SGTA: variants seen among roughly 807,000 people sequenced by gnomAD.
SGTA encodes small glutamine-rich tetratricopeptide repeat-containing protein alpha.
In SGTA, 22 loss-of-function variants were observed where a neutral mutation model predicts 44.3. The ratio of observed to expected loss-of-function variants is 0.50; its 90% CI spans 0.36 to 0.71. SGTA has a LOEUF of 0.71. Ranked by LOEUF, SGTA falls within the 30% of genes least tolerant of loss-of-function variation. The pLI, the probability that SGTA is intolerant of heterozygous loss-of-function variation, is 0.00. For synonymous variants in SGTA, 174 were observed against 177.6 expected, an observed-to-expected ratio of 0.98 and a Z score of 0.16; for missense variants, 341 against 435.9, an observed-to-expected ratio of 0.78 and a Z score of 1.94.
At chr19:2,774,214 G>C (rs572079914) in intron 1 of SGTA, among the ~76,000 whole-genome samples, 1 of 152,316 alleles carries the variant, frequency 6.6e-6, no homozygotes, top group East Asian at 1.9e-4. Context: ...CTCAGTCCTC[G>C]TGACGACTCC....
chr19:2,757,797 G>C lies in SGTA; in HGVS notation c.738-15C>G. On this transcript the variant is annotated splice_polypyrimidine_tract_variant and intron_variant, in intron 9 of 11. Transcript: ENST00000221566. The stretch of plus-strand genomic sequence containing the variant: ...TGCCGGACATGCTGCAGGAGAGAGC[G>C]CGTGACTCGCAGCCGGGACAGCCTG... 4.5e-6 allele frequency: 7 copies of C among 1,543,298 alleles called. No individual in the cohort carries two copies. Among genetic ancestry groups the C allele is most frequent in the Non-Finnish European group, 6.1e-6 (7 of 1,142,706 alleles).
At chr19:2,769,904 C>T (rs1174539250) in intron 1 of SGTA, among the ~76,000 whole-genome samples, 1 of 126,110 alleles carries the variant, frequency 7.9e-6, no homozygotes, top group Admixed American at 7.7e-5. Context: ...GTTCCCCCAG[C>T]GGACACCAGC....
intron 1 of SGTA, among the ~76,000 whole-genome samples, chr19:2,776,137 A>G (rs1369374087): frequency 6.6e-6 from 1 of 152,226 alleles, no homozygotes; most frequent in African/African-American, 2.4e-5. Context: ...CCCGGCCAAC[A>G]GGGTTCAGAG....
chr19:2,772,061 G>A (rs1025219303), intron 1 of SGTA, among the ~76,000 whole-genome samples: 3 of 152,254 alleles, frequency 2.0e-5, no homozygotes, highest in African/African-American at 7.2e-5. Context: ...CTCCGGGGCC[G>A]GGCCCAGCCC....
In SGTA at chr19:2,769,110, C is replaced by T. The variant is rs775837892; in HGVS notation, c.-23-19G>A. ...GTGATACCTGGGGGTGCAGGAAAAA[C>T]CCCCATCAGGCCCCCTCACACTCCC... On this transcript the variant is annotated intron_variant, in intron 1 of 11. Coordinates refer to ENST00000221566, the MANE Select transcript of SGTA (RefSeq NM_003021.4). 2.7e-5 allele frequency: 41 copies of T among 1,527,270 alleles called. No individual in the cohort carries two copies. Among genetic ancestry groups the T allele is most frequent in the Middle Eastern group, 1.7e-4 (1 of 5,900 alleles). 94.6% of individuals were successfully genotyped at this position (1,527,270 alleles called of 1,614,324 possible).
At chr19:2,772,604 C>A (rs1262574639) in intron 1 of SGTA, among the ~76,000 whole-genome samples, 2 of 152,240 alleles carry the variant, frequency 1.3e-5, no homozygotes, top group Non-Finnish European at 2.9e-5. Flanking sequence ...TGGAATGCGA[C>A]CTCACCTGGA....
chr19:2,780,610 C>T (rs1279290141), intron 1 of SGTA, among the ~76,000 whole-genome samples: 1 of 152,184 alleles, frequency 6.6e-6, no homozygotes, highest in Admixed American at 6.5e-5. Flanking sequence ...TATCTCTGGC[C>T]CAGCATCTCT....
At chr19:2,772,487 C>G (rs1372800866) in intron 1 of SGTA, among the ~76,000 whole-genome samples, 2 of 152,232 alleles carry the variant, frequency 1.3e-5, no homozygotes, top group Non-Finnish European at 2.9e-5. Context: ...GCCCCAGGGA[C>G]CCTCTGCGCG....
intron 5 of SGTA, among the ~76,000 whole-genome samples, chr19:2,764,547 A>T (rs1915085442): frequency 6.6e-6 from 1 of 151,774 alleles, no homozygotes; most frequent in Admixed American, 6.6e-5. Flanking sequence ...ACAGGCACCC[A>T]CCACCACATC....
intron 2 of SGTA, among the ~76,000 whole-genome samples, chr19:2,768,627 C>T (rs1278655862): frequency 6.6e-6 from 1 of 152,212 alleles, no homozygotes; most frequent in Non-Finnish European, 1.5e-5. Context: ...AGCTTTTTCC[C>T]CGTGACCGAT....
At chr19:2,776,162 G>A (rs921382830) in intron 1 of SGTA, among the ~76,000 whole-genome samples, 9 of 152,206 alleles carry the variant, frequency 5.9e-5, no homozygotes, top group African/African-American at 2.2e-4. Flanking sequence ...AACCAGTCAG[G>A]TCTCCTGACC....
At position 2,757,361 on chromosome 19, in the gene SGTA, G is replaced by A. The variant is rs762393928; in HGVS notation, c.924C>T (p.Asn308=). The A allele has an allele frequency of 1.4e-5, 23 of 1,603,890 alleles. No individual in the cohort carries two copies. Among genetic ancestry groups the A allele is most frequent in the African/African-American group, 2.7e-5 (2 of 74,928 alleles). The change falls in exon 11 of 12, where the codon AAC becomes AAT. Residue 308 remains asparagine, a synonymous_variant. Transcript: ENST00000221566. ...CGCAGCGTCACTCCTGCTGGTCGTC[G>A]TTGCTGGCGCTGGGCGTCCGACTCC... ...QIRSRTPSAS[N]DDQQE is the part of the protein sequence containing the mutation.
At chr19:2,772,175 G>A (rs1915328028) in intron 1 of SGTA, among the ~76,000 whole-genome samples, 1 of 152,248 alleles carries the variant, frequency 6.6e-6, no homozygotes, top group Admixed American at 6.5e-5. Context: ...GTGAGGAGAA[G>A]CACAGGTTTG....
chr19:2,766,493 C>T (rs907855241), intron 4 of SGTA, among the ~76,000 whole-genome samples: 1 of 151,716 alleles, frequency 6.6e-6, no homozygotes, highest in Non-Finnish European at 1.5e-5. Context: ...AGTGCAGTGG[C>T]GCGATCTGGA....
Position 2,762,626 on chromosome 19 carries a change from G to A in SGTA, c.516C>T (p.Leu172=). The part of the protein sequence containing the change: ...YGRMGLALSS[L]NKHVEAVAYY... ...AAGCCACGGCCTCCACGTGCTTGTT[G>A]AGGCTGGAGAGCGCCAGGCTGGAGG... The change falls in exon 7 of 12, where the codon CTC becomes CTT. Residue 172 remains leucine (L), a synonymous_variant. Coordinates refer to ENST00000221566, the MANE Select transcript of SGTA (RefSeq NM_003021.4). 6.2e-7 allele frequency: 1 copy of A among 1,614,002 alleles called. No individual in the cohort carries two copies. Among genetic ancestry groups the A allele is most frequent in the South Asian group, 1.1e-5 (1 of 91,088 alleles).
chr19:2,755,329 G>A lies in SGTA; in HGVS notation c.*611C>T, dbSNP rs775837890. The A allele has an allele frequency of 8.4e-5, 74 of 877,992 alleles. No homozygotes were observed. Among genetic ancestry groups the A allele is most frequent in the South Asian group, 1.6e-4 (3 of 19,176 alleles). 54.4% of individuals were successfully genotyped at this position (877,992 alleles called of 1,614,324 possible). ...GAAACTGGTCCTATGCACCCAGGAC[G>A]GCTCCTGAGCCGCGGAGGCGTGGGG... On this transcript the variant is annotated 3_prime_UTR_variant, in exon 12 of 12. Transcript: ENST00000221566. This position sits in a 1 kb window ranked among gnomAD's most constrained non-coding sequence, Gnocchi z 5.2.
intron 9 of SGTA, among the ~76,000 whole-genome samples, 175 bp downstream of exon 9, chr19:2,759,079 ATGG>A (rs1220042783): frequency 6.6e-6 from 1 of 152,102 alleles, no homozygotes; most frequent in Admixed American, 6.6e-5. Flanking sequence ...TGACAGTGTG[ATGG>A]TGGTGACAGT....
In SGTA at chr19:2,767,353, G is replaced by C; in HGVS notation, c.208-133C>G. ...CCGGGGGCTCTGCAGGGGACTCCTG[G>C]CCCCCCATCATGTGGCCCTGGGCGA... On this transcript the variant is annotated intron_variant, in intron 3 of 11. Transcript: ENST00000221566. The surrounding 1 kb of genome is among the most constrained non-coding windows in gnomAD (Gnocchi z 7.3). The C allele has an allele frequency of 1.3e-6, 1 of 755,586 alleles. No homozygotes were observed. The highest frequency in any genetic ancestry group is 1.7e-5 in the African/African-American group (1 of 57,516). 46.8% of individuals were successfully genotyped at this position (755,586 alleles called of 1,614,324 possible).
chr19:2,765,089 G>T lies in SGTA; in HGVS notation c.392+97C>A. 1.2e-6 allele frequency: 1 copy of T among 815,068 alleles called. No homozygotes were observed. The highest frequency in any genetic ancestry group is 2.1e-6 in the Non-Finnish European group (1 of 476,768). 50.5% of individuals were successfully genotyped at this position (815,068 alleles called of 1,614,324 possible). On this transcript the variant is annotated intron_variant, in intron 5 of 11. Transcript: ENST00000221566. The surrounding 1 kb of genome is among the most constrained non-coding windows in gnomAD (Gnocchi z 5.5). ...CCGGTGAATGGATCCCTCATCTACA[G>T]CGCAGAGGCCTCTCCCATCTCAGGT... is the stretch of plus-strand genomic sequence containing the variant.
Sources: gnomAD v4.1 joint callset for allele counts (sites outside exome capture counted in the v4.1 genomes callset) on GRCh38, gnomAD v4.1.1 for gene constraint, Gnocchi (gnomAD v3.1) non-coding constraint, MANE v1.5 for transcripts, NCBI Gene and HGNC (gene_info 2026-07-23, HGNC 2026-07-21) for gene names.